Variants in CD47 observed in about 807,000 individuals in gnomAD.
CD47 encodes the protein CD47 molecule, also known as leukocyte surface antigen CD47.
A neutral mutation model predicts 44.6 loss-of-function variants in CD47; 11 were observed. The observed-to-expected ratio is 0.25, with a 90% CI of 0.16 to 0.41. The LOEUF (loss-of-function observed/expected upper bound fraction) is 0.41, where lower values mean the gene tolerates loss of function less well. CD47 is among the 10% of genes least tolerant of loss of function. The pLI, the probability that CD47 is intolerant of heterozygous loss-of-function variation, is 1.00. For synonymous variants in CD47, 140 were observed against 136.3 expected (o/e 1.03, Z -0.19); for missense variants, 306 against 386.7 (o/e 0.79, Z 1.75).
At chr3:108,086,033 G>A (rs961866005) in intron 1 of CD47, among the ~76,000 whole-genome samples, 1 of 152,124 alleles carries the variant, frequency 6.6e-6, no homozygotes, top group Admixed American at 6.6e-5. Flanking sequence ...CTTAAAGGAT[G>A]AGTAAGAATG....
chr3:108,049,782 C>T (rs1436861356), intron 9 of CD47, 131 bp from the exon 10 acceptor site: 4 of 689,726 alleles, frequency 5.8e-6, no homozygotes, highest in Non-Finnish European at 1.0e-5. Context: ...GTAAAGCTAT[C>T]ATTTCATTAT....
At chr3:108,065,870 A>G (rs564996741) in intron 3 of CD47, among the ~76,000 whole-genome samples, 2 of 149,934 alleles carry the variant, frequency 1.3e-5, no homozygotes, top group South Asian at 4.2e-4. Context: ...TTAATAACAA[A>G]GTCTTATTAC....
Position 108,059,528 on chromosome 3 carries a change from C to T in CD47, c.615G>A (p.Lys205=). ...ILFVPGEYSL[K]NATGLGLIVT... is the part of the protein sequence containing the mutation. ...CAATTAAACCAAGGCCAGTAGCATT[C>T]TTTAATGAATATTCACCTGTCAATA... The change falls in exon 5 of 11, where the codon AAG becomes AAA. Residue 205 remains lysine, a synonymous_variant. Transcript: ENST00000361309. 1 of 1,478,616 alleles carries T rather than the reference C, an allele frequency of 6.8e-7. No individual in the cohort carries two copies. The highest frequency in any genetic ancestry group is 1.4e-5 in the African/African-American group (1 of 69,304). The allele number at this position is 1,478,616 out of a possible 1,614,324, so 91.6% of individuals were successfully genotyped here.
chr3:108,060,916 G>A (rs2079001370), intron 3 of CD47, 64 bp from the exon 4 acceptor site: 9 of 1,067,868 alleles, frequency 8.4e-6, no homozygotes, highest in Non-Finnish European at 1.3e-5. Context: ...TTAATAACTT[G>A]TAAGGTACAG....
At chr3:108,069,543 C>CTTTTT (rs2079161243) in intron 3 of CD47, among the ~76,000 whole-genome samples, 1 of 144,844 alleles carries the variant, frequency 6.9e-6, no homozygotes, top group African/African-American at 2.5e-5. Flanking sequence ...TAACTCCCTA[C>CTTTTT]TTTGTACGAG....
intron 7 of CD47, chr3:108,053,181 A>C (rs2078858931): frequency 6.6e-6 from 1 of 152,192 alleles, no homozygotes; most frequent in African/African-American, 2.4e-5. Context: ...TGTGTTCCTT[A>C]CTATTTATTT....
intron 1 of CD47, among the ~76,000 whole-genome samples, chr3:108,082,153 C>T (rs148877428): frequency 5.9e-5 from 9 of 152,032 alleles, no homozygotes; most frequent in Non-Finnish European, 8.8e-5. Flanking sequence ...GAAAGGGATA[C>T]AAAGACTACT....
At chr3:108,085,000 G>T (rs2079491754) in intron 1 of CD47, among the ~76,000 whole-genome samples, 1 of 152,026 alleles carries the variant, frequency 6.6e-6, no homozygotes. Flanking sequence ...CTTTGCCTAA[G>T]ATACTTTAAC....
chr3:108,079,580 A>C (rs1265133829), intron 2 of CD47, among the ~76,000 whole-genome samples: 5 of 148,166 alleles, frequency 3.4e-5, no homozygotes, highest in South Asian at 4.2e-4. Context: ...AAAAAAAAAA[A>C]AAAAAAAAAA....
Position 108,058,374 on chromosome 3 carries a change from A to G in CD47, c.747T>C (p.Tyr249=). ...IAILVIQVIA[Y]ILAVVGLSLC... is the part of the protein sequence containing the mutation. Reference sequence around the variant, plus strand: ...GACTCAGTCCAACCACAGCGAGGATATAGGCTATCACCTGAATAACCAATA... The same window carrying G: ...GACTCAGTCCAACCACAGCGAGGATGTAGGCTATCACCTGAATAACCAATA... The change falls in exon 6 of 11, where the codon TAT becomes TAC. Residue 249 remains tyrosine (Y), a synonymous_variant. Transcript: ENST00000361309. 6.4e-7 allele frequency: 1 copy of G among 1,567,002 alleles called. No individual in the cohort carries two copies. The highest frequency in any genetic ancestry group is 8.7e-7 in the Non-Finnish European group (1 of 1,153,966).
At chr3:108,063,507 G>A (rs1241013349) in intron 3 of CD47, among the ~76,000 whole-genome samples, 1 of 152,142 alleles carries the variant, frequency 6.6e-6, no homozygotes, top group Non-Finnish European at 1.5e-5. Context: ...TCTCAGTATA[G>A]TGAAAGGGCA....
chr3:108,073,319 C>T (rs758159485), intron 2 of CD47, among the ~76,000 whole-genome samples: 1 of 151,916 alleles, frequency 6.6e-6, no homozygotes, highest in Non-Finnish European at 1.5e-5. Flanking sequence ...GAGGTGCATT[C>T]GATCCTGGTG....
At chr3:108,070,485 T>C (rs2079180206) in intron 3 of CD47, among the ~76,000 whole-genome samples, 1 of 152,226 alleles carries the variant, frequency 6.6e-6, no homozygotes, top group Non-Finnish European at 1.5e-5. Flanking sequence ...TTGTTGAAGC[T>C]AAATCTAATG....
chr3:108,071,949 T>A (rs2079211299), intron 2 of CD47, among the ~76,000 whole-genome samples: 1 of 152,222 alleles, frequency 6.6e-6, no homozygotes, highest in African/African-American at 2.4e-5. Context: ...TAAAGTAAGA[T>A]GAGTGGCTTT....
At chr3:108,059,690 T>G in intron 4 of CD47, 146 bp from the exon 5 acceptor site, 1 of 463,516 alleles carries the variant, frequency 2.2e-6, no homozygotes, top group South Asian at 4.6e-5. Context: ...ATTTTTTGAT[T>G]AAGACCAAAC....
At chr3:108,087,556 A>G (rs1490554230) in intron 1 of CD47, among the ~76,000 whole-genome samples, 2 of 152,190 alleles carry the variant, frequency 1.3e-5, no homozygotes, top group Non-Finnish European at 2.9e-5. Flanking sequence ...AAATTTGTCT[A>G]TATGCCAAAG....
chr3:108,053,941 A>T (rs1164690601), intron 7 of CD47: 1 of 152,268 alleles, frequency 6.6e-6, no homozygotes, highest in Admixed American at 6.5e-5. Context: ...TTACATGTAT[A>T]TACAACTGAC....
chr3:108,079,974 T>TTG lies in CD47; in HGVS notation c.400+16_400+17insCA. On this transcript the variant is annotated intron_variant, in intron 2 of 10. Coordinates refer to ENST00000361309, the MANE Select transcript of CD47 (RefSeq NM_001777.4). ...CACCAGGACAAATAAAAAAAGAAGC[T>TTG]TTCATAGAAGTCTTACCAACACGAT... is the stretch of plus-strand genomic sequence containing the variant. The TTG allele has an allele frequency of 6.5e-7, 1 of 1,548,674 alleles. No homozygotes were observed. The highest frequency in any genetic ancestry group is 8.8e-7 in the Non-Finnish European group (1 of 1,134,288).
intron 5 of CD47, among the ~76,000 whole-genome samples, chr3:108,058,760 G>C (rs1345380551): frequency 6.6e-6 from 1 of 152,172 alleles, no homozygotes; most frequent in Non-Finnish European, 1.5e-5. Context: ...CATGCACATG[G>C]AATTGCTCTT....
Sources: gnomAD v4.1 joint callset for allele counts (sites outside exome capture counted in the v4.1 genomes callset) on GRCh38, gnomAD v4.1.1 for gene constraint, MANE v1.5 for transcripts, NCBI Gene and HGNC (gene_info 2026-07-23, HGNC 2026-07-21) for gene names.